TTC1: variants seen among roughly 807,000 people sequenced by gnomAD.
TTC1 encodes the protein tetratricopeptide repeat domain 1, also known as tetratricopeptide repeat protein 1.
A neutral mutation model predicts 37.6 loss-of-function variants in TTC1; 31 were observed. The ratio of observed to expected loss-of-function variants is 0.82; its 90% CI spans 0.62 to 1.11. The LOEUF (loss-of-function observed/expected upper bound fraction) is 1.11. Ranked by LOEUF, TTC1 falls within the 50% of genes most tolerant of loss-of-function variation. TTC1 has a pLI of 0.00. For missense variants in TTC1, 351 were observed against 339.0 expected (o/e 1.04, Z -0.28); for synonymous variants, 127 against 122.4 (o/e 1.04, Z -0.25).
Position 160,065,106 on chromosome 5 carries a change from T to A in TTC1, c.*41T>A. ...CTTTACAAGCTGACTTGGAATTGTG[T>A]GCTGCTTGCTGTTAGCTAGGGGAAA... On this transcript the variant is annotated 3_prime_UTR_variant, in exon 8 of 8. Coordinates refer to ENST00000231238, the MANE Select transcript of TTC1 (RefSeq NM_003314.3). The A allele has an allele frequency of 6.3e-7, 1 of 1,594,414 alleles. No individual in the cohort carries two copies. Among genetic ancestry groups the A allele is most frequent in the Non-Finnish European group, 8.5e-7 (1 of 1,174,256 alleles).
intron 7 of TTC1, among the ~76,000 whole-genome samples, chr5:160,061,106 G>A (rs1410531509): frequency 6.6e-6 from 1 of 152,236 alleles, no homozygotes; most frequent in Non-Finnish European, 1.5e-5. Context: ...AGGACAGCCT[G>A]GCAGGAGGCA....
At chr5:160,023,933 T>C in intron 2 of TTC1, 2 of 1,573,920 alleles carry the variant, frequency 1.3e-6, no homozygotes, top group Non-Finnish European at 1.7e-6. Context: ...CTTTGCCTCT[T>C]CCTTTTCCTC....
rs1441603011 is a variant in TTC1, at chr5:160,034,065, T to TTGATCACATC, written c.331-1072_331-1063dup. Among the ~76,000 whole-genome samples, 5 of 151,968 alleles carry TTGATCACATC rather than the reference T, an allele frequency of 3.3e-5. No homozygotes were observed. In the South Asian group the frequency reaches 6.2e-4, roughly 19 times the overall value. On this transcript the variant is annotated intron_variant, in intron 2 of 7. Coordinates refer to ENST00000231238, the MANE Select transcript of TTC1 (RefSeq NM_003314.3). ...CAAGAGTTCAAGGTTATAGTGTGTG[T>TTGATCACATC]TGATCACATCTGTGAATAGACACTG...
chr5:160,062,071 T>A (rs1753432167), intron 7 of TTC1: 1 of 152,230 alleles, frequency 6.6e-6, no homozygotes, highest in Admixed American at 6.5e-5. Context: ...CTGATGGATT[T>A]TAGAGTGCAG....
At chr5:160,046,564 C>T (rs182618141) in intron 5 of TTC1, among the ~76,000 whole-genome samples, 2 of 152,224 alleles carry the variant, frequency 1.3e-5, no homozygotes, top group Admixed American at 1.3e-4. Flanking sequence ...TATAAATTAG[C>T]ACAATGTAGC....
rs1231904776 is a variant in TTC1, at chr5:160,057,125, A to G, written c.745+5942A>G. On this transcript the variant is annotated intron_variant, in intron 7 of 7. Transcript: ENST00000231238. The surrounding 1 kb of genome is among the most constrained non-coding windows in gnomAD (Gnocchi z 4.4). ...GGTTGTTCCCTCAGTAGAGAATATC[A>G]GTAGCTTTTCAGTGCTTTGCTTTTG... is the stretch of plus-strand genomic sequence containing the variant. Among the ~76,000 whole-genome samples the G allele has an allele frequency of 1.3e-5, 2 of 152,244 alleles. No individual in the cohort carries two copies. The highest frequency in any genetic ancestry group is 1.5e-5 in the Non-Finnish European group (1 of 68,050).
chr5:160,046,524 T>G (rs1415777611), intron 5 of TTC1, among the ~76,000 whole-genome samples: 2 of 152,222 alleles, frequency 1.3e-5, no homozygotes, highest in African/African-American at 4.8e-5. Flanking sequence ...CTAAGTGATC[T>G]CATTCAGTTC....
chr5:160,028,323 C>T (rs1295904632), intron 2 of TTC1, among the ~76,000 whole-genome samples: 5 of 150,328 alleles, frequency 3.3e-5, no homozygotes, highest in Non-Finnish European at 7.4e-5. Flanking sequence ...AAAAAGTTAT[C>T]AGCCTTTATT....
At chr5:160,058,661 T>C (rs984571162) in intron 7 of TTC1, among the ~76,000 whole-genome samples, 2 of 152,150 alleles carry the variant, frequency 1.3e-5, no homozygotes, top group African/African-American at 2.4e-5. Context: ...TCCACCCACC[T>C]CAGCCTCCCA....
intron 7 of TTC1, among the ~76,000 whole-genome samples, chr5:160,060,038 A>G (rs951126076): frequency 6.6e-6 from 1 of 152,198 alleles, no homozygotes; most frequent in Admixed American, 6.5e-5. Flanking sequence ...TATCCTTTCT[A>G]TGCTGGGCTC....
chr5:160,033,792 C>T (rs1756957603), intron 2 of TTC1, among the ~76,000 whole-genome samples: 1 of 152,222 alleles, frequency 6.6e-6, no homozygotes, highest in Non-Finnish European at 1.5e-5. Context: ...TGGGTAGGAA[C>T]ACAGATCATA....
At position 160,034,126 on chromosome 5, in the gene TTC1, CTT is replaced by C. The variant is rs978923159; in HGVS notation, c.331-994_331-993del. On this transcript the variant is annotated intron_variant, in intron 2 of 7. Transcript: ENST00000231238. Reference sequence around the variant, plus strand: ...TGGACAACATAGTGAGACCCTATCTCTTTTTTTTTTTTTTTTTTTTTAAGGGA... The same window carrying C: ...TGGACAACATAGTGAGACCCTATCTCTTTTTTTTTTTTTTTTTTTAAGGGA... 4.9e-3 allele frequency among the ~76,000 whole-genome samples: 564 copies of C among 114,528 alleles called. 2 individuals are homozygous for C. The highest frequency in any genetic ancestry group is 0.015 in the African/African-American group (474 of 31,092). The allele number at this position is 114,528 out of a possible 152,430, so 75.1% of individuals were successfully genotyped here.
intron 7 of TTC1, among the ~76,000 whole-genome samples, chr5:160,051,393 C>T (rs1219266531): frequency 6.6e-6 from 1 of 152,024 alleles, no homozygotes; most frequent in African/African-American, 2.4e-5. Context: ...TTTTGATTTT[C>T]TTGGAAATTT....
chr5:160,028,539 A>G (rs922829634), intron 2 of TTC1, among the ~76,000 whole-genome samples: 20 of 152,148 alleles, frequency 1.3e-4, no homozygotes, highest in African/African-American at 4.8e-4. Flanking sequence ...GCTATAGTGC[A>G]GTGGCACAAT....
chr5:160,010,964 C>G lies in TTC1; in HGVS notation c.330+106C>G. 2.7e-6 allele frequency: 3 copies of G among 1,109,086 alleles called. No individual in the cohort carries two copies. In the South Asian group the frequency reaches 4.9e-5, roughly 18 times the overall value. The allele number at this position is 1,109,086 out of a possible 1,614,324, so 68.7% of individuals were successfully genotyped here. On this transcript the variant is annotated intron_variant, in intron 2 of 7. Transcript: ENST00000231238. ...TCATCTGTGGTAAAGAATAACTTGC[C>G]CCTTTGTCTTCTTATGGCTTTAGTA... is the stretch of plus-strand genomic sequence containing the variant.
At chr5:160,017,919 G>C (rs982004593) in intron 2 of TTC1, among the ~76,000 whole-genome samples, 1 of 152,196 alleles carries the variant, frequency 6.6e-6, no homozygotes, top group Non-Finnish European at 1.5e-5. Flanking sequence ...TGGTGAACAA[G>C]ACAGGGTTTC....
At chr5:160,054,075 TTTTGTTTGTTTG>T (rs369991528) in intron 7 of TTC1, among the ~76,000 whole-genome samples, 4 of 151,912 alleles carry the variant, frequency 2.6e-5, no homozygotes, top group African/African-American at 7.3e-5. Flanking sequence ...GGTTGGTTGT[TTTTGTTTGTTTG>T]TTTGTTTGTT....
chr5:160,036,886 A>G (rs1374900383), intron 4 of TTC1, 83 bp downstream of exon 4: 5 of 958,286 alleles, frequency 5.2e-6, no homozygotes, highest in Non-Finnish European at 8.1e-6. Context: ...AGAAACTAGC[A>G]TAGAGGTTGC....
rs142474826 is a variant in TTC1 at position 160,016,056 on chromosome 5, A to G, written c.330+5198A>G. On this transcript the variant is annotated intron_variant, in intron 2 of 7. Coordinates refer to ENST00000231238, the MANE Select transcript of TTC1 (RefSeq NM_003314.3). ...AGTATTACTTAAATTTTGTTGTTATATTTATGTAGTATACAATGCAGTTGT... is the reference window on the plus strand; with the variant it reads ...AGTATTACTTAAATTTTGTTGTTATGTTTATGTAGTATACAATGCAGTTGT... Among the ~76,000 whole-genome samples the G allele has an allele frequency of 3.7e-4, 56 of 152,314 alleles. 2 individuals are homozygous for G. In the East Asian group the frequency reaches 0.011, roughly 29 times the overall value.
Sources: allele counts gnomAD v4.1 joint callset (sites outside exome capture counted in the v4.1 genomes callset), GRCh38; gene constraint gnomAD v4.1.1; non-coding constraint Gnocchi (gnomAD v3.1); transcripts MANE v1.5; gene names NCBI Gene and HGNC (gene_info 2026-07-23, HGNC 2026-07-21).